RPL22: variants seen among roughly 807,000 people sequenced by gnomAD.
The protein encoded by RPL22 is large ribosomal subunit protein eL22.
RPL22 carries 4 observed loss-of-function variants against 16.2 expected under a neutral mutation model. That is an observed-to-expected ratio of 0.25 (90% CI 0.12 to 0.57). The LOEUF is 0.57. Ranked by LOEUF, RPL22 falls within the 20% of genes least tolerant of loss-of-function variation. The pLI is 0.92. For missense variants in RPL22, 83 were observed against 156.1 expected (o/e 0.53, Z 2.49); for synonymous variants, 43 against 54.8 (o/e 0.78, Z 0.95).
intron 1 of RPL22, chr1:6,198,646 T>C (rs564159870): frequency 3.3e-5 from 5 of 152,378 alleles, no homozygotes; most frequent in African/African-American, 1.2e-4. Flanking sequence ...TTGTGTTAAC[T>C]GGATCAACTT....
chr1:6,199,226 C>T (rs551990815), intron 1 of RPL22: 4 of 349,036 alleles, frequency 1.1e-5, no homozygotes, highest in African/African-American at 2.1e-5. Context: ...TCTTCTTCCC[C>T]GCCCTCCACC....
At chr1:6,189,959 A>G (rs992666186) in intron 3 of RPL22, among the ~76,000 whole-genome samples, 1 of 152,196 alleles carries the variant, frequency 6.6e-6, no homozygotes, top group African/African-American at 2.4e-5. Context: ...ACAAATTCAG[A>G]GACAGAAAAA....
chr1:6,194,062 C>T (rs932465035), intron 2 of RPL22, among the ~76,000 whole-genome samples: 1 of 151,998 alleles, frequency 6.6e-6, no homozygotes, highest in Non-Finnish European at 1.5e-5. Context: ...AAATATTAGC[C>T]GGGTGTGGTG....
chr1:6,187,478 G>C (rs1024762163), intron 3 of RPL22, among the ~76,000 whole-genome samples: 1 of 151,876 alleles, frequency 6.6e-6, no homozygotes, highest in Non-Finnish European at 1.5e-5. Context: ...GCCAGACGTC[G>C]TGCTGGGCGC....
Position 6,186,262 on chromosome 1 carries a change from G to A in RPL22, c.*410C>T, listed in dbSNP as rs866826071. 8 of 242,668 alleles carry A rather than the reference G, an allele frequency of 3.3e-5. No homozygotes were observed. Among genetic ancestry groups the A allele is most frequent in the South Asian group, 1.7e-4 (1 of 5,860 alleles). 15.0% of individuals were successfully genotyped at this position (242,668 alleles called of 1,614,324 possible). On this transcript the variant is annotated 3_prime_UTR_variant, in exon 4 of 4. Coordinates refer to ENST00000234875, the MANE Select transcript of RPL22 (RefSeq NM_000983.4). ...TTATTGACAGTCATTTTCCCACAGAGAATCTTAGAAAGATGTCGCGTTTTC... is the reference window on the plus strand; with the variant it reads ...TTATTGACAGTCATTTTCCCACAGAAAATCTTAGAAAGATGTCGCGTTTTC...
intron 2 of RPL22, among the ~76,000 whole-genome samples, chr1:6,194,622 C>A (rs1667692588): frequency 6.6e-6 from 1 of 152,164 alleles, no homozygotes; most frequent in South Asian, 2.1e-4. Context: ...TGCAGTAGCT[C>A]ACACCTGTAA....
chr1:6,188,902 C>T (rs1181889174), intron 3 of RPL22, among the ~76,000 whole-genome samples: 5 of 152,098 alleles, frequency 3.3e-5, no homozygotes, highest in Non-Finnish European at 7.4e-5. Flanking sequence ...TCTCCTGCCT[C>T]AGCCTCCCGA....
At chr1:6,190,178 TGCTACAGCCCA>T (rs1667631830) in intron 3 of RPL22, among the ~76,000 whole-genome samples, 1 of 152,218 alleles carries the variant, frequency 6.6e-6, no homozygotes, top group African/African-American at 2.4e-5. Context: ...CCAAGGGCTC[TGCTACAGCCCA>T]GCAGGCCGGA....
At position 6,196,329 on chromosome 1, in the gene RPL22, A is replaced by G. The variant is rs76504190; in HGVS notation, c.117+1323T>C. 2.0e-4 allele frequency among the ~76,000 whole-genome samples: 31 copies of G among 152,174 alleles called. 1 individual carries two copies. Among genetic ancestry groups the G allele is most frequent in the African/African-American group, 7.2e-4 (30 of 41,444 alleles). ...ACCAAACTGGAAGACACCAAAGTTG[A>G]AAAAGAGGAGGCCACAGAAAAGCCA... On this transcript the variant is annotated intron_variant, in intron 2 of 3. Transcript: ENST00000234875.
At chr1:6,189,509 T>C (rs1216095794) in intron 3 of RPL22, among the ~76,000 whole-genome samples, 3 of 149,350 alleles carry the variant, frequency 2.0e-5, no homozygotes, top group Admixed American at 6.7e-5. Context: ...GAGTGAGCTA[T>C]GATCACCCCA....
At chr1:6,192,083 T>C (rs1488945021) in intron 3 of RPL22, among the ~76,000 whole-genome samples, 1 of 151,842 alleles carries the variant, frequency 6.6e-6, no homozygotes, top group African/African-American at 2.4e-5. Context: ...AGGGTCTCAC[T>C]GTGTCACCCA....
chr1:6,197,116 G>T (rs911704676), intron 2 of RPL22, among the ~76,000 whole-genome samples: 5 of 152,258 alleles, frequency 3.3e-5, no homozygotes, highest in Non-Finnish European at 5.9e-5. Flanking sequence ...TGCCACCTCC[G>T]CCTCCCGTGT....
Position 6,199,555 on chromosome 1 carries a change from T to C in RPL22, c.12+7A>G. 3 of 1,564,386 alleles carry C rather than the reference T, an allele frequency of 1.9e-6. No homozygotes were observed. The highest frequency in any genetic ancestry group is 2.6e-6 in the Non-Finnish European group (3 of 1,154,626). ...GGAGCCGAGGCCTCACGCGGAGCCA[T>C]ACTAACCACAGGAGCCATGGCGGCA... On this transcript the variant is annotated splice_region_variant and intron_variant, in intron 1 of 3. Coordinates refer to ENST00000234875, the MANE Select transcript of RPL22 (RefSeq NM_000983.4).
At chr1:6,188,158 T>C (rs888285337) in intron 3 of RPL22, among the ~76,000 whole-genome samples, 1 of 152,166 alleles carries the variant, frequency 6.6e-6, no homozygotes, top group African/African-American at 2.4e-5. Context: ...CAGTCTCCCA[T>C]GTAGCTGGGA....
chr1:6,187,613 C>CAAAAAAAAAAAA (rs796081884), intron 3 of RPL22, among the ~76,000 whole-genome samples: 1 of 72,684 alleles, frequency 1.4e-5, no homozygotes, highest in African/African-American at 3.8e-5. Context: ...GACTCCATCT[C>CAAAAAAAAAAAA]AAAAAAAAAA....
chr1:6,197,614 T>C (rs1252494512), intron 2 of RPL22, 38 bp downstream of exon 2: 1 of 1,390,360 alleles, frequency 7.2e-7, no homozygotes, highest in African/African-American at 1.4e-5. Flanking sequence ...TCTCAAAATG[T>C]TCGTGACCAC....
chr1:6,194,022 A>G (rs1353941186), intron 2 of RPL22, among the ~76,000 whole-genome samples: 1 of 152,040 alleles, frequency 6.6e-6, no homozygotes, highest in Non-Finnish European at 1.5e-5. Context: ...GCTAGGCAAC[A>G]TGGCGAAACC....
chr1:6,198,136 T>C (rs1226757427), intron 1 of RPL22: 1 of 211,854 alleles, frequency 4.7e-6, no homozygotes, highest in Non-Finnish European at 9.6e-6. Flanking sequence ...ATACTATTTT[T>C]CCAAAATTAG....
chr1:6,185,973 G>A lies in RPL22; in HGVS notation c.*699C>T, dbSNP rs887019896. ...CACATCTGGAAGCACTATTCCTACAGCTCCCTCTGCTGGAGACGAAAGTGA... is the reference window on the plus strand; with the variant it reads ...CACATCTGGAAGCACTATTCCTACAACTCCCTCTGCTGGAGACGAAAGTGA... On this transcript the variant is annotated 3_prime_UTR_variant, in exon 4 of 4. Coordinates refer to ENST00000234875, the MANE Select transcript of RPL22 (RefSeq NM_000983.4). The A allele has an allele frequency of 7.4e-5, 17 of 230,138 alleles. No individual in the cohort carries two copies. Among genetic ancestry groups the A allele is most frequent in the African/African-American group, 3.3e-4 (15 of 45,152 alleles). The allele number at this position is 230,138 out of a possible 1,614,324, so 14.3% of individuals were successfully genotyped here. A position where few individuals can be genotyped will look rare whatever the true frequency, so the allele number is the denominator to read the frequency against.
Sources: gnomAD v4.1 joint callset for allele counts (sites outside exome capture counted in the v4.1 genomes callset) on GRCh38, gnomAD v4.1.1 for gene constraint, MANE v1.5 for transcripts, NCBI Gene and HGNC (gene_info 2026-07-23, HGNC 2026-07-21) for gene names.